RIMS1: variants seen among roughly 807,000 people sequenced by gnomAD.
RIMS1 encodes the protein regulating synaptic membrane exocytosis 1.
A neutral mutation model predicts 214.1 loss-of-function variants in RIMS1; 83 were observed. That is an observed-to-expected ratio of 0.39 (90% CI 0.32 to 0.47). RIMS1 has a LOEUF of 0.47. RIMS1 is among the 20% of genes least tolerant of loss of function. The probability of loss-of-function intolerance (pLI) is 0.99; values close to 1 mark genes in which losing one functional copy is unlikely to be tolerated. For missense variants in RIMS1, 2,050 were observed against 2,161.8 expected (o/e 0.95, Z 1.03); for synonymous variants, 793 against 786.8 (o/e 1.01, Z -0.13).
At chr6:72,082,188 TC>T (rs1248939776) in intron 2 of RIMS1, among the ~76,000 whole-genome samples, 3 of 152,232 alleles carry the variant, frequency 2.0e-5, no homozygotes, top group African/African-American at 7.2e-5. Flanking sequence ...CTGGATTCAA[TC>T]TATGTATTTT....
intron 28 of RIMS1, among the ~76,000 whole-genome samples, chr6:72,314,597 T>C (rs1262847385): frequency 6.6e-6 from 1 of 152,162 alleles, no homozygotes; most frequent in Non-Finnish European, 1.5e-5. Flanking sequence ...AAGATATTAG[T>C]AGAAAATCTT....
intron 16 of RIMS1, among the ~76,000 whole-genome samples, chr6:72,254,490 A>G (rs575112992): frequency 9.2e-5 from 14 of 152,338 alleles, no homozygotes; most frequent in South Asian, 4.1e-4. Context: ...TATACCTGGT[A>G]GAAAAATCAT....
chr6:72,143,693 G>A (rs1485219053), intron 4 of RIMS1, among the ~76,000 whole-genome samples: 1 of 152,224 alleles, frequency 6.6e-6, no homozygotes, highest in Non-Finnish European at 1.5e-5. Flanking sequence ...AGCACTGCCT[G>A]TGAAGATCAA....
chr6:72,029,777 A>G (rs1429844900), intron 2 of RIMS1, among the ~76,000 whole-genome samples: 3 of 152,140 alleles, frequency 2.0e-5, no homozygotes, highest in Non-Finnish European at 1.5e-5. Context: ...GCATTTTATT[A>G]TCTCCAAAAT....
intron 2 of RIMS1, among the ~76,000 whole-genome samples, chr6:72,073,288 A>T (rs1831012431): frequency 2.0e-5 from 3 of 152,178 alleles, no homozygotes; most frequent in Non-Finnish European, 4.4e-5. Flanking sequence ...ATGAATCCGT[A>T]TTGGCTCTTC....
chr6:72,040,576 TG>T (rs1821160529), intron 2 of RIMS1, among the ~76,000 whole-genome samples: 1 of 151,932 alleles, frequency 6.6e-6, no homozygotes, highest in African/African-American at 2.4e-5. Context: ...AAATTAGACC[TG>T]TACTGTTTCA....
chr6:72,085,216 C>T (rs1834356816), intron 2 of RIMS1, among the ~76,000 whole-genome samples: 2 of 152,120 alleles, frequency 1.3e-5, no homozygotes, highest in East Asian at 1.9e-4. Flanking sequence ...AGACCAAATA[C>T]GTTTTTAGAT....
At chr6:72,020,943 A>G (rs1562131215) in intron 2 of RIMS1, among the ~76,000 whole-genome samples, 1 of 152,208 alleles carries the variant, frequency 6.6e-6, no homozygotes, top group Non-Finnish European at 1.5e-5. Flanking sequence ...AGTACCTGCT[A>G]TATGTGATAC....
At chr6:72,191,941 G>T (rs998505986) in intron 6 of RIMS1, among the ~76,000 whole-genome samples, 7 of 152,196 alleles carry the variant, frequency 4.6e-5, no homozygotes, top group African/African-American at 1.7e-4. Context: ...TCACTCCAGG[G>T]ATGTGATATT....
intron 2 of RIMS1, among the ~76,000 whole-genome samples, chr6:71,998,965 A>G (rs1297563101): frequency 6.6e-6 from 1 of 151,912 alleles, no homozygotes; most frequent in South Asian, 2.1e-4. Context: ...CCTTTTTCTC[A>G]TTTATTTTTA....
intron 1 of RIMS1, among the ~76,000 whole-genome samples, chr6:71,913,412 T>C (rs1777486663): frequency 6.6e-6 from 1 of 152,148 alleles, no homozygotes; most frequent in Non-Finnish European, 1.5e-5. Flanking sequence ...TAATGTTGTT[T>C]TGGGAAAATC....
chr6:72,201,127 C>T (rs2153992497), intron 6 of RIMS1, among the ~76,000 whole-genome samples: 1 of 152,104 alleles, frequency 6.6e-6, no homozygotes, highest in African/African-American at 2.4e-5. Context: ...AATATTTCTT[C>T]CAAATTAGTC....
chr6:72,075,126 G>GGATAGAGT (rs1293362736), intron 2 of RIMS1, among the ~76,000 whole-genome samples: 1 of 152,016 alleles, frequency 6.6e-6, no homozygotes, highest in South Asian at 2.1e-4. Context: ...CTGTCACCCA[G>GGATAGAGT]GATAGAGTGC....
chr6:72,207,748 G>A (rs527629431), intron 6 of RIMS1, among the ~76,000 whole-genome samples: 1 of 151,988 alleles, frequency 6.6e-6, no homozygotes, highest in East Asian at 1.9e-4. Flanking sequence ...GAAATTAAAC[G>A]TAGGCAAAAC....
At chr6:71,940,791 A>AGGG (rs1785843556) in intron 1 of RIMS1, among the ~76,000 whole-genome samples, 1 of 152,162 alleles carries the variant, frequency 6.6e-6, no homozygotes, top group African/African-American at 2.4e-5. Flanking sequence ...TCCACAGAGA[A>AGGG]GGGAGTTAGG....
chr6:72,162,784 T>C lies in RIMS1; in HGVS notation c.472-16791T>C, dbSNP rs1292935560. Among the ~76,000 whole-genome samples the C allele has an allele frequency of 1.4e-5, 2 of 140,590 alleles. 1 individual carries two copies. The highest frequency in any genetic ancestry group is 3.2e-5 in the Non-Finnish European group (2 of 61,878). 92.2% of individuals were successfully genotyped at this position (140,590 alleles called of 152,430 possible). A position where few individuals can be genotyped will look rare whatever the true frequency, so the allele number is the denominator to read the frequency against. On this transcript the variant is annotated intron_variant, in intron 4 of 33. Transcript: ENST00000521978. ...TGTTAGTCTGATGGGCTTCCCTTTG[T>C]GGGTAACCTGACCTTTCTCTCTGGC...
At chr6:72,148,695 G>C in intron 4 of RIMS1, 5 of 413,650 alleles carry the variant, frequency 1.2e-5, no homozygotes, top group South Asian at 8.6e-5. Context: ...ACTAACCTTT[G>C]GGTTTGCGGA....
intron 2 of RIMS1, among the ~76,000 whole-genome samples, chr6:72,036,182 T>C (rs1819557290): frequency 3.3e-5 from 5 of 152,168 alleles, no homozygotes; most frequent in Admixed American, 2.6e-4. Flanking sequence ...GTGTTCCTAG[T>C]CCTCTGTGAG....
In RIMS1 at chr6:71,888,295, A is replaced by G. The variant is rs994939012; in HGVS notation, c.164+1108A>G. ...AAAGTTTTCACTCTGAAGCAGGGGAATGTAGGGGCCCTGACTGTGACTGAC... is the reference window on the plus strand; with the variant it reads ...AAAGTTTTCACTCTGAAGCAGGGGAGTGTAGGGGCCCTGACTGTGACTGAC... On this transcript the variant is annotated intron_variant, in intron 1 of 33. Coordinates refer to ENST00000521978, the MANE Select transcript of RIMS1 (RefSeq NM_014989.7). Among the ~76,000 whole-genome samples, 142 of 152,166 alleles carry G rather than the reference A, an allele frequency of 9.3e-4. 9 individuals are homozygous for G. Among genetic ancestry groups the G allele is most frequent in the Non-Finnish European group, 2.9e-5 (2 of 68,010 alleles).
Sources: gnomAD v4.1 joint callset for allele counts (sites outside exome capture counted in the v4.1 genomes callset) on GRCh38, gnomAD v4.1.1 for gene constraint, MANE v1.5 for transcripts, NCBI Gene and HGNC (gene_info 2026-07-23, HGNC 2026-07-21) for gene names.